SYT1: variants seen among roughly 807,000 people sequenced by gnomAD.
SYT1 encodes synaptotagmin 1.
In SYT1, 8 loss-of-function variants were observed where a neutral mutation model predicts 44.8. That is an observed-to-expected ratio of 0.18 (90% CI 0.10 to 0.32). The LOEUF (loss-of-function observed/expected upper bound fraction) is 0.32. Among genes scored for constraint, SYT1 ranks in the 10% least tolerant of loss-of-function variants. SYT1 has a pLI of 1.00. For synonymous variants in SYT1, 154 were observed against 188.8 expected (o/e 0.82, Z 1.51); for missense variants, 286 against 509.3 (o/e 0.56, Z 4.22).
intron 3 of SYT1, among the ~76,000 whole-genome samples, chr12:79,157,878 G>T (rs1870698057): frequency 6.6e-6 from 1 of 152,094 alleles, no homozygotes; most frequent in African/African-American, 2.4e-5. Flanking sequence ...GCACAGAGAG[G>T]TTAAGTGACT....
chr12:79,011,904 G>A (rs1871432892), intron 2 of SYT1, among the ~76,000 whole-genome samples: 1 of 151,998 alleles, frequency 6.6e-6, no homozygotes, highest in African/African-American at 2.4e-5. Context: ...GGCTGAGGCG[G>A]GTGAATCACC....
rs1878735539 is a variant in SYT1, at chr12:78,947,628, T to C, written c.-216-30171T>C. 2.0e-5 allele frequency among the ~76,000 whole-genome samples: 3 copies of C among 152,234 alleles called. No individual in the cohort carries two copies. In the South Asian group the frequency reaches 6.2e-4, roughly 32 times the overall value. On this transcript the variant is annotated intron_variant, in intron 1 of 10. Transcript: ENST00000261205. Reference sequence around the variant, plus strand: ...CCAGGCTGTTCATATTCTCAGTGCCTACAGAATACAGAAAAGCTAGAAATA... The same window carrying C: ...CCAGGCTGTTCATATTCTCAGTGCCCACAGAATACAGAAAAGCTAGAAATA...
At chr12:79,393,771 T>C (rs967247330) in intron 9 of SYT1, 6 of 152,208 alleles carry the variant, frequency 3.9e-5, no homozygotes, top group African/African-American at 1.4e-4. Context: ...ACGCTGATGA[T>C]AGTTTATTTT....
intron 8 of SYT1, among the ~76,000 whole-genome samples, chr12:79,342,405 G>GT (rs112572876): frequency 0.08 from 12,194 of 151,902 alleles, 1,177 homozygotes; most frequent in African/African-American, 0.24. Flanking sequence ...CTATTTTTTT[G>GT]TTTTTTGTAG....
chr12:79,129,906 A>T (rs1309798417), intron 3 of SYT1, among the ~76,000 whole-genome samples: 1 of 152,198 alleles, frequency 6.6e-6, no homozygotes, highest in Non-Finnish European at 1.5e-5. Flanking sequence ...TATTATAAAC[A>T]TTTACAGAGA....
intron 1 of SYT1, among the ~76,000 whole-genome samples, chr12:78,887,166 A>G (rs555287480): frequency 2.0e-5 from 3 of 152,066 alleles, no homozygotes; most frequent in South Asian, 2.1e-4. Flanking sequence ...TGTTGTTTTG[A>G]GTAGCATGAT....
chr12:79,179,201 TAGATATAGATATAG>T (rs1872203382), intron 3 of SYT1, among the ~76,000 whole-genome samples: 2 of 38,398 alleles, frequency 5.2e-5, no homozygotes, highest in African/African-American at 2.6e-4. Context: ...TATAGATATA[TAGATATAGATATAG>T]ATATATAGAT....
chr12:79,252,812 A>C (rs1950806758), intron 4 of SYT1, among the ~76,000 whole-genome samples: 1 of 152,188 alleles, frequency 6.6e-6, no homozygotes. Context: ...CAGCCACCTT[A>C]CACAATAACG....
intron 2 of SYT1, among the ~76,000 whole-genome samples, chr12:79,021,917 C>A (rs1486916013): frequency 6.6e-6 from 1 of 151,354 alleles, no homozygotes; most frequent in African/African-American, 2.4e-5. Context: ...TTGAAAGCAT[C>A]TTCAAATCTA....
chr12:79,353,925 T>C (rs558224792), intron 9 of SYT1, among the ~76,000 whole-genome samples: 40 of 152,306 alleles, frequency 2.6e-4, no homozygotes, highest in Non-Finnish European at 5.0e-4. Context: ...TCATGACAGA[T>C]TATAATTTTG....
At chr12:79,333,498 C>A (rs1267823785) in intron 8 of SYT1, among the ~76,000 whole-genome samples, 1 of 152,110 alleles carries the variant, frequency 6.6e-6, no homozygotes, top group Non-Finnish European at 1.5e-5. Flanking sequence ...TCAGATATTC[C>A]ACCTCAGCTA....
At chr12:78,917,209 T>C (rs1303105140) in intron 1 of SYT1, among the ~76,000 whole-genome samples, 2 of 152,094 alleles carry the variant, frequency 1.3e-5, no homozygotes, top group East Asian at 3.9e-4. Flanking sequence ...AGAACAAATC[T>C]TACCCTACAC....
At chr12:79,062,415 C>T (rs1875459789) in intron 3 of SYT1, among the ~76,000 whole-genome samples, 1 of 152,054 alleles carries the variant, frequency 6.6e-6, no homozygotes, top group South Asian at 2.1e-4. Context: ...TAGAAGGTTC[C>T]CCACTGTGCA....
At chr12:79,288,839 C>A (rs562245996) in intron 5 of SYT1, among the ~76,000 whole-genome samples, 2 of 152,080 alleles carry the variant, frequency 1.3e-5, no homozygotes, top group Non-Finnish European at 2.9e-5. Flanking sequence ...CTGTCCCTTG[C>A]GGTAGGTTTC....
chr12:79,052,708 A>C (rs982415113), intron 3 of SYT1, among the ~76,000 whole-genome samples: 6 of 152,324 alleles, frequency 3.9e-5, no homozygotes, highest in South Asian at 2.1e-4. Context: ...ATATGAACAG[A>C]CGCTTCTCAA....
intron 9 of SYT1, among the ~76,000 whole-genome samples, chr12:79,443,011 G>A (rs557533450): frequency 2.6e-5 from 4 of 152,152 alleles, no homozygotes; most frequent in East Asian, 3.9e-4. Context: ...CCTTTCAACC[G>A]TGAGCATTGG....
intron 3 of SYT1, among the ~76,000 whole-genome samples, chr12:79,140,871 A>G (rs942285390): frequency 3.3e-5 from 5 of 152,164 alleles, no homozygotes; most frequent in African/African-American, 1.2e-4. Flanking sequence ...TTCCCTCAAA[A>G]AAACCACATT....
At chr12:79,367,507 C>G (rs756882932) in intron 9 of SYT1, among the ~76,000 whole-genome samples, 12 of 152,104 alleles carry the variant, frequency 7.9e-5, no homozygotes, top group Non-Finnish European at 1.3e-4. Context: ...TCACCTGTCT[C>G]TACAAATTCT....
chr12:79,208,964 G>A (rs550552234), intron 3 of SYT1, among the ~76,000 whole-genome samples: 8 of 152,260 alleles, frequency 5.3e-5, no homozygotes, highest in African/African-American at 1.9e-4. Context: ...AAATCTGGAG[G>A]TAACTAGATC....
Sources: allele counts gnomAD v4.1 joint callset (sites outside exome capture counted in the v4.1 genomes callset), GRCh38; gene constraint gnomAD v4.1.1; transcripts MANE v1.5; gene names NCBI Gene and HGNC (gene_info 2026-07-23, HGNC 2026-07-21).